The following RGS7 variants were observed in gnomAD, a reference collection of about 807,000 sequenced individuals.
RGS7 encodes the protein regulator of G-protein signaling 7.
RGS7 carries 27 observed loss-of-function variants against 81.1 expected under a neutral mutation model. That is an observed-to-expected ratio of 0.33 (90% CI 0.25 to 0.46). The LOEUF is 0.46. RGS7 is among the 20% of genes least tolerant of loss of function. The pLI, the probability that RGS7 is intolerant of heterozygous loss-of-function variation, is 1.00. For synonymous variants in RGS7, 208 were observed against 207.7 expected, an observed-to-expected ratio of 1.00 and a Z score of -0.01; for missense variants, 396 against 607.4, an observed-to-expected ratio of 0.65 and a Z score of 3.66.
chr1:240,818,392 C>G (rs1691196412), intron 10 of RGS7, among the ~76,000 whole-genome samples: 1 of 151,726 alleles, frequency 6.6e-6, no homozygotes, highest in African/African-American at 2.4e-5. Flanking sequence ...AAACATATGA[C>G]TAAAAAAGGG....
At chr1:240,951,600 GA>G (rs950516688) in intron 4 of RGS7, among the ~76,000 whole-genome samples, 50 of 151,916 alleles carry the variant, frequency 3.3e-4, no homozygotes, top group Admixed American at 4.6e-4. Flanking sequence ...GAAATTCGAA[GA>G]AAAAAATAAC....
intron 3 of RGS7, among the ~76,000 whole-genome samples, chr1:241,016,462 G>C (rs1181691836): frequency 1.3e-5 from 2 of 152,004 alleles, no homozygotes; most frequent in Non-Finnish European, 2.9e-5. Flanking sequence ...AGGTTGCAGT[G>C]AGCCAAGATT....
intron 18 of RGS7, among the ~76,000 whole-genome samples, chr1:240,794,369 C>T (rs1172671233): frequency 2.0e-5 from 3 of 152,108 alleles, no homozygotes; most frequent in African/African-American, 7.2e-5. Context: ...AACTTACTAC[C>T]TGTTGATGAA....
intron 2 of RGS7, among the ~76,000 whole-genome samples, chr1:241,156,114 GGATA>G (rs2069113368): frequency 6.7e-6 from 1 of 149,448 alleles, no homozygotes. Flanking sequence ...CTGAGATAGA[GGATA>G]GAAAGATAAA....
At position 240,954,779 on chromosome 1, in the gene RGS7, C is replaced by T. The variant is rs188651228; in HGVS notation, c.227-18073G>A. Among the ~76,000 whole-genome samples, 167 of 152,196 alleles carry T rather than the reference C, an allele frequency of 1.1e-3. 1 individual carries two copies. Among genetic ancestry groups the T allele is most frequent in the African/African-American group, 3.8e-3 (159 of 41,556 alleles). ...TAAGGCAAAGAAAAAATGTTATACA[C>T]ATTGGAAAAGAAGAAATAGTTAAAA... On this transcript the variant is annotated intron_variant, in intron 4 of 18. Transcript: ENST00000440928.
chr1:241,021,701 T>C (rs149443069), intron 3 of RGS7, among the ~76,000 whole-genome samples: 3 of 152,284 alleles, frequency 2.0e-5, no homozygotes, highest in African/African-American at 4.8e-5. Flanking sequence ...GCCTTTCCTT[T>C]ACTATTAAAA....
At chr1:241,083,227 A>G (rs2063242734) in intron 3 of RGS7, among the ~76,000 whole-genome samples, 3 of 82,800 alleles carry the variant, frequency 3.6e-5, no homozygotes, top group South Asian at 6.9e-4. Flanking sequence ...CTCTGTCTCA[A>G]AAAAAAAAAA....
chr1:240,816,430 AAAAT>A lies in RGS7; in HGVS notation c.685-19_685-16del, dbSNP rs757629275. ...CCATAGACAGACTATATTAAAATAA[AAAAT>A]AAACATTTTAGGACAAAATACCGTT... On this transcript the variant is annotated splice_polypyrimidine_tract_variant and intron_variant, in intron 10 of 18. Coordinates refer to ENST00000440928, the MANE Select transcript of RGS7 (RefSeq NM_001364886.1). 2.0e-6 allele frequency: 3 copies of A among 1,507,644 alleles called. No individual in the cohort carries two copies. The South Asian group carries it at 3.4e-5, about 17-fold the overall frequency. 93.4% of individuals were successfully genotyped at this position (1,507,644 alleles called of 1,614,324 possible). A position where few individuals can be genotyped will look rare whatever the true frequency, so the allele number is the denominator to read the frequency against.
chr1:241,203,337 A>C (rs2073656134), intron 2 of RGS7, among the ~76,000 whole-genome samples: 1 of 151,962 alleles, frequency 6.6e-6, no homozygotes, highest in Admixed American at 6.6e-5. Flanking sequence ...GGTTCAAGCG[A>C]TTCTCCTGTC....
intron 2 of RGS7, among the ~76,000 whole-genome samples, chr1:241,250,544 CAGA>C (rs2076779350): frequency 6.6e-6 from 1 of 151,874 alleles, no homozygotes; most frequent in Middle Eastern, 3.2e-3. Context: ...TTGTTGATTG[CAGA>C]AGAATACCAG....
intron 3 of RGS7, among the ~76,000 whole-genome samples, chr1:241,037,366 T>C (rs927032105): frequency 6.6e-6 from 1 of 152,188 alleles, no homozygotes; most frequent in Non-Finnish European, 1.5e-5. Flanking sequence ...TTTGTATGCA[T>C]ATTTATAACA....
At chr1:241,196,109 A>AGTG (rs1205536839) in intron 2 of RGS7, among the ~76,000 whole-genome samples, 1 of 152,180 alleles carries the variant, frequency 6.6e-6, no homozygotes, top group Non-Finnish European at 1.5e-5. Context: ...TAGAGAAAAA[A>AGTG]GTGTATTAAC....
chr1:241,147,780 T>TTATATATATATATA (rs200770896), intron 2 of RGS7, among the ~76,000 whole-genome samples: 938 of 44,482 alleles, frequency 0.021, 95 homozygotes, highest in East Asian at 0.029. Flanking sequence ...AGATTAAGTT[T>TTATATATATATATA]TATATATATA....
intron 3 of RGS7, among the ~76,000 whole-genome samples, chr1:241,042,445 T>C (rs80133631): frequency 0.033 from 4,987 of 152,298 alleles, 82 homozygotes; most frequent in Middle Eastern, 0.048. Flanking sequence ...CTTTATGACA[T>C]GATGGAGATA....
intron 2 of RGS7, among the ~76,000 whole-genome samples, chr1:241,204,032 C>T (rs557212179): frequency 2.0e-5 from 3 of 152,288 alleles, no homozygotes; most frequent in South Asian, 4.1e-4. Flanking sequence ...AAGATATCAA[C>T]TAAATGCCAA....
At chr1:241,256,758 G>A (rs2077068138) in intron 2 of RGS7, among the ~76,000 whole-genome samples, 1 of 151,908 alleles carries the variant, frequency 6.6e-6, no homozygotes, top group African/African-American at 2.4e-5. Flanking sequence ...CAACCAGGAG[G>A]GCTTCACACT....
chr1:241,248,629 C>T (rs2076676994), intron 2 of RGS7, among the ~76,000 whole-genome samples: 2 of 151,946 alleles, frequency 1.3e-5, no homozygotes, highest in East Asian at 1.9e-4. Context: ...TTTCTTCTAT[C>T]TCCTCCACTG....
chr1:241,117,821 G>A (rs1404689353), intron 2 of RGS7, among the ~76,000 whole-genome samples: 4 of 152,052 alleles, frequency 2.6e-5, no homozygotes, highest in African/African-American at 9.7e-5. Context: ...AAAGGACCTC[G>A]TGTAAGAAAT....
chr1:241,009,863 G>A (rs2058866038), intron 3 of RGS7, among the ~76,000 whole-genome samples: 1 of 152,228 alleles, frequency 6.6e-6, no homozygotes, highest in Non-Finnish European at 1.5e-5. Context: ...ATTTGGGGTA[G>A]TACCTAGTAA....
Sources: allele counts gnomAD v4.1 joint callset (sites outside exome capture counted in the v4.1 genomes callset), GRCh38; gene constraint gnomAD v4.1.1; transcripts MANE v1.5; gene names NCBI Gene and HGNC (gene_info 2026-07-23, HGNC 2026-07-21).